The following FYCO1 variants were observed in gnomAD, a reference collection of about 807,000 sequenced individuals.
FYCO1 encodes FYVE and coiled-coil domain autophagy adaptor 1, also known as FYVE and coiled-coil domain-containing protein 1.
Under a neutral mutation model 165.1 loss-of-function variants are expected in FYCO1, and 122 were observed. The observed-to-expected ratio is 0.74, with a 90% CI of 0.64 to 0.86. The LOEUF is 0.86. Among genes scored for constraint, FYCO1 ranks in the 40% least tolerant of loss-of-function variants. The pLI is 0.00. For synonymous variants in FYCO1, 648 were observed against 742.5 expected, an observed-to-expected ratio of 0.87 and a Z score of 2.07; for missense variants, 1,702 against 1,810.3, an observed-to-expected ratio of 0.94 and a Z score of 1.09.
In FYCO1 at chr3:45,931,410, C is replaced by A. The variant is rs1236523851; in HGVS notation, c.4041-129G>T. The stretch of plus-strand genomic sequence containing the variant: ...CTTGAGAGGACAAGCCCTGGGTAAC[C>A]TTGGCCAACATGCTTAATTATGGGA... On this transcript the variant is annotated intron_variant, in intron 15 of 17. Coordinates refer to ENST00000296137, the MANE Select transcript of FYCO1 (RefSeq NM_024513.4). 4 of 827,234 alleles carry A rather than the reference C, an allele frequency of 4.8e-6. No individual in the cohort carries two copies. In the East Asian group the frequency reaches 1.1e-4, roughly 22 times the overall value. The allele number at this position is 827,234 out of a possible 1,614,324, so 51.2% of individuals were successfully genotyped here. A position where few individuals can be genotyped will look rare whatever the true frequency, so the allele number is the denominator to read the frequency against.
intron 1 of FYCO1, among the ~76,000 whole-genome samples, chr3:45,990,193 G>A (rs1452118077): frequency 6.6e-6 from 1 of 152,196 alleles, no homozygotes; most frequent in Non-Finnish European, 1.5e-5. Context: ...ATGGCCTTGA[G>A]GAAGCAGCAG....
In FYCO1 at chr3:45,966,420, C is replaced by T; in HGVS notation, c.2914G>A (p.Ala972Thr). ...GCCTGCAGGCCAGGCAGTGAGCCGG[C>T]TGCTGCCTTGGCCGCCTTCAGCTTC... ...QEKLKAAKAAAGSLPGLQAQL... is the reference protein window; with the variant it reads ...QEKLKAAKAATGSLPGLQAQL... Residue 972 changes from alanine to threonine, a missense_variant, in exon 8 of 18, where the codon GCC (alanine) becomes ACC (threonine). Coordinates refer to ENST00000296137, the MANE Select transcript of FYCO1 (RefSeq NM_024513.4). 1 of 1,613,232 alleles carries T rather than the reference C, an allele frequency of 6.2e-7. No individual in the cohort carries two copies. The highest frequency in any genetic ancestry group is 8.5e-7 in the Non-Finnish European group (1 of 1,179,312).
Position 45,979,836 on chromosome 3 carries a change from T to TAGGGAA in FYCO1, c.163-12_163-7dup, listed in dbSNP as rs777736266. Reference sequence around the variant, plus strand: ...GCCTTCTCTTTCTGATCAAACTGGGTAGGGAAAGGGAAAGGGAGAGGAGGT... The same window carrying TAGGGAA: ...GCCTTCTCTTTCTGATCAAACTGGGTAGGGAAAGGGAAAGGGAAAGGGAGAGGAGGT... On this transcript the variant is annotated splice_polypyrimidine_tract_variant and splice_region_variant and intron_variant, in intron 3 of 17. Coordinates refer to ENST00000296137, the MANE Select transcript of FYCO1 (RefSeq NM_024513.4). 6.6e-5 allele frequency: 106 copies of TAGGGAA among 1,613,410 alleles called. No homozygotes were observed. Among genetic ancestry groups the TAGGGAA allele is most frequent in the South Asian group, 2.3e-4 (21 of 91,066 alleles).
chr3:45,946,461 G>C, intron 14 of FYCO1: 1 of 1,589,966 alleles, frequency 6.3e-7, no homozygotes, highest in East Asian at 2.2e-5. Flanking sequence ...TGACTCACAG[G>C]TGTTCATCAG....
At chr3:45,940,800 C>G (rs1330681808) in intron 14 of FYCO1, 1 of 152,194 alleles carries the variant, frequency 6.6e-6, no homozygotes, top group East Asian at 1.9e-4. Flanking sequence ...TTCTTTCCTC[C>G]AAGGAGGCAA....
chr3:45,994,016 C>G (rs1707680041), intron 1 of FYCO1, among the ~76,000 whole-genome samples: 1 of 152,222 alleles, frequency 6.6e-6, no homozygotes, highest in Non-Finnish European at 1.5e-5. Context: ...AAGCTACCAG[C>G]TGCTCTGATC....
intron 14 of FYCO1, chr3:45,946,416 T>C: frequency 7.1e-7 from 1 of 1,414,702 alleles, no homozygotes; most frequent in South Asian, 1.3e-5. Context: ...AGACAAAGAA[T>C]GCCATCCTCA....
At chr3:45,947,030 T>A in intron 14 of FYCO1, 1 of 1,614,236 alleles carries the variant, frequency 6.2e-7, no homozygotes, top group Non-Finnish European at 8.5e-7. Flanking sequence ...GTGGTTACCA[T>A]GACGAGGCAA....
At chr3:45,935,249 T>G (rs536462747) in intron 15 of FYCO1, among the ~76,000 whole-genome samples, 77 of 152,332 alleles carry the variant, frequency 5.1e-4, no homozygotes, top group African/African-American at 1.8e-3. Flanking sequence ...GTCTCCCCAC[T>G]TTGGCTCTCA....
chr3:45,949,748 G>A (rs1011032612), intron 14 of FYCO1, among the ~76,000 whole-genome samples: 7 of 152,124 alleles, frequency 4.6e-5, no homozygotes, highest in South Asian at 2.1e-4. Context: ...CCAGGTGCCC[G>A]CCCCCTCCCA....
chr3:45,967,674 C>G lies in FYCO1; in HGVS notation c.1660G>C (p.Glu554Gln), dbSNP rs773069623. ...GGGCCAGGCGGCCCAGCAAGCCGCTCGAGCATACCCACCTGCTGGCTGAGG... is the reference window on the plus strand; with the variant it reads ...GGGCCAGGCGGCCCAGCAAGCCGCTGGAGCATACCCACCTGCTGGCTGAGG... ...DHLSQQVGML[E>Q]RLAGPPGPEL... is the part of the protein sequence containing the mutation. Residue 554 changes from glutamate to glutamine, a missense_variant, in exon 8 of 18, where the codon GAG becomes CAG. Transcript: ENST00000296137. The G allele has an allele frequency of 6.2e-7, 1 of 1,613,906 alleles. No homozygotes were observed. The highest frequency in any genetic ancestry group is 8.5e-7 in the Non-Finnish European group (1 of 1,180,028).
chr3:45,935,017 C>G (rs2125803270), intron 15 of FYCO1, among the ~76,000 whole-genome samples: 1 of 152,294 alleles, frequency 6.6e-6, no homozygotes. Context: ...TTAATTCTTC[C>G]TGCTTGGTCT....
intron 15 of FYCO1, among the ~76,000 whole-genome samples, chr3:45,933,832 T>A (rs1703752699): frequency 6.6e-6 from 1 of 152,194 alleles, no homozygotes; most frequent in Non-Finnish European, 1.5e-5. Flanking sequence ...GCTGGAGTTA[T>A]CTGTCAAGGC....
chr3:45,932,483 C>A (rs1427864794), intron 15 of FYCO1, among the ~76,000 whole-genome samples: 1 of 152,246 alleles, frequency 6.6e-6, no homozygotes, highest in Admixed American at 6.5e-5. Context: ...TCAATCCAGG[C>A]TCACACAGGT....
chr3:45,952,324 T>G (rs1372140039), intron 14 of FYCO1, among the ~76,000 whole-genome samples: 1 of 152,196 alleles, frequency 6.6e-6, no homozygotes. Context: ...CCAGGGATGC[T>G]TACACAAATC....
chr3:45,967,225 C>G lies in FYCO1; in HGVS notation c.2109G>C (p.Gln703His), dbSNP rs766375149. ...GCTGCTGACACTCGCCCTCCTTGCT[C>G]TGTAGAATGGCCTCCTTCTCTGCCA... ...AQMAEKEAIL[Q>H]SKEGECQQLR... Residue 703 changes from glutamine (Q) to histidine (H), a missense_variant, in exon 8 of 18, where the codon CAG (glutamine) becomes CAC (histidine). Coordinates refer to ENST00000296137, the MANE Select transcript of FYCO1 (RefSeq NM_024513.4). 6.2e-7 allele frequency: 1 copy of G among 1,614,104 alleles called. No homozygotes were observed. The highest frequency in any genetic ancestry group is 1.1e-5 in the South Asian group (1 of 91,088).
Position 45,967,255 on chromosome 3 carries a change from G to T in FYCO1, c.2079C>A (p.Ala693=). 6.2e-7 allele frequency: 1 copy of T among 1,614,114 alleles called. No individual in the cohort carries two copies. Among genetic ancestry groups the T allele is most frequent in the Non-Finnish European group, 8.5e-7 (1 of 1,180,014 alleles). The part of the protein sequence containing the change: ...AVRKAKEAMK[A]QMAEKEAILQ... ...GAATGGCCTCCTTCTCTGCCATCTG[G>T]GCTTTCATGGCCTCCTTGGCCTTCC... The change falls in exon 8 of 18, where the codon GCC becomes GCA. Residue 693 remains alanine (A), a synonymous_variant. Coordinates refer to ENST00000296137, the MANE Select transcript of FYCO1 (RefSeq NM_024513.4).
rs1398347357 is a variant in FYCO1, at chr3:45,984,998, C to A, written c.-88G>T. On this transcript the variant is annotated 5_prime_UTR_variant, in exon 2 of 18. Transcript: ENST00000296137. ...CGGCCCTCGGTGGCTGTCTGCTCAG[C>A]AGTGGTCAGACTCCATGGTGGCACC... 3 of 1,285,354 alleles carry A rather than the reference C, an allele frequency of 2.3e-6. No individual in the cohort carries two copies. In the East Asian group the frequency reaches 6.9e-5, roughly 30 times the overall value. 79.6% of individuals were successfully genotyped at this position (1,285,354 alleles called of 1,614,324 possible). A position where few individuals can be genotyped will look rare whatever the true frequency, so the allele number is the denominator to read the frequency against.
intron 14 of FYCO1, among the ~76,000 whole-genome samples, chr3:45,954,395 G>C (rs1193905904): frequency 1.3e-5 from 2 of 152,046 alleles, no homozygotes; most frequent in African/African-American, 4.8e-5. Context: ...AACCCCTATA[G>C]TCCAGTGGTC....
Sources: allele counts gnomAD v4.1 joint callset (sites outside exome capture counted in the v4.1 genomes callset), GRCh38; gene constraint gnomAD v4.1.1; transcripts MANE v1.5; gene names NCBI Gene and HGNC (gene_info 2026-07-23, HGNC 2026-07-21).